Variants in CNTN1 observed in about 807,000 individuals in gnomAD.
CNTN1 encodes contactin-1.
A neutral mutation model predicts 126.4 loss-of-function variants in CNTN1; 38 were observed. The observed-to-expected ratio is 0.30, with a 90% CI of 0.23 to 0.39. The LOEUF (loss-of-function observed/expected upper bound fraction) is 0.39, where lower values mean the gene tolerates loss of function less well. CNTN1 is among the 10% of genes least tolerant of loss of function. CNTN1 has a pLI of 1.00. For missense variants in CNTN1, 1,009 were observed against 1,248.4 expected (o/e 0.81, Z 2.89); for synonymous variants, 413 against 422.6 (o/e 0.98, Z 0.28).
chr12:41,067,442 G>A (rs1950068278), intron 23 of CNTN1, among the ~76,000 whole-genome samples: 2 of 152,048 alleles, frequency 1.3e-5, no homozygotes, highest in African/African-American at 2.4e-5. Flanking sequence ...AAAAGACAGA[G>A]CATTGTGGAG....
intron 20 of CNTN1, among the ~76,000 whole-genome samples, chr12:41,024,264 G>A (rs144620934): frequency 3.8e-3 from 585 of 152,116 alleles, no homozygotes; most frequent in Middle Eastern, 6.8e-3. Flanking sequence ...TTACAATCCC[G>A]TTATTTTATA....
chr12:41,005,483 T>TTG (rs1419502544), intron 17 of CNTN1, among the ~76,000 whole-genome samples: 107 of 152,350 alleles, frequency 7.0e-4, no homozygotes, highest in African/African-American at 2.5e-3. Flanking sequence ...CCTCACTAGT[T>TTG]AGGTTGGGGA....
intron 5 of CNTN1, among the ~76,000 whole-genome samples, chr12:40,922,708 C>T (rs1443188255): frequency 6.6e-6 from 1 of 152,094 alleles, no homozygotes. Flanking sequence ...CGCGGTGGCT[C>T]ACACCTGTAA....
intron 16 of CNTN1, among the ~76,000 whole-genome samples, chr12:40,986,293 C>T (rs145353123): frequency 0.012 from 1,774 of 152,122 alleles, 23 homozygotes; most frequent in South Asian, 0.046. Context: ...TTGCTCAATT[C>T]CAAACATTGT....
intron 19 of CNTN1, among the ~76,000 whole-genome samples, chr12:41,020,088 CTATAT>C (rs900733331): frequency 4.6e-5 from 7 of 151,686 alleles, no homozygotes; most frequent in African/African-American, 1.7e-4. Context: ...GTGTATATGT[CTATAT>C]TAACATTTAT....
At chr12:40,768,086 G>T (rs530692039) in intron 1 of CNTN1, among the ~76,000 whole-genome samples, 2 of 152,192 alleles carry the variant, frequency 1.3e-5, no homozygotes, top group South Asian at 4.2e-4. Context: ...AATGGAGATT[G>T]GCTTTACAAC....
At chr12:40,807,930 T>C (rs1940918089) in intron 1 of CNTN1, among the ~76,000 whole-genome samples, 1 of 152,212 alleles carries the variant, frequency 6.6e-6, no homozygotes, top group African/African-American at 2.4e-5. Context: ...AGCATATTTA[T>C]AGCTAACTTG....
intron 1 of CNTN1, among the ~76,000 whole-genome samples, chr12:40,725,134 G>A (rs1465421831): frequency 2.0e-5 from 3 of 152,144 alleles, no homozygotes; most frequent in Non-Finnish European, 4.4e-5. Context: ...AGGTGTGGTG[G>A]CTCATGCCTG....
Position 41,070,135 on chromosome 12 carries a change from C to T in CNTN1, c.*100C>T, listed in dbSNP as rs1566262234. 11 of 1,027,552 alleles carry T rather than the reference C, an allele frequency of 1.1e-5. No homozygotes were observed. Among genetic ancestry groups the T allele is most frequent in the Non-Finnish European group, 1.5e-5 (10 of 657,544 alleles). 63.7% of individuals were successfully genotyped at this position (1,027,552 alleles called of 1,614,324 possible). A position where few individuals can be genotyped will look rare whatever the true frequency, so the allele number is the denominator to read the frequency against. ...CCAATTTCTGCGGCTCCATCCTAAG[C>T]CAAATAAATTATACTTTAACAAACT... is the stretch of plus-strand genomic sequence containing the variant. On this transcript the variant is annotated 3_prime_UTR_variant, in exon 24 of 24. Coordinates refer to ENST00000551295, the MANE Select transcript of CNTN1 (RefSeq NM_001843.4).
intron 1 of CNTN1, chr12:40,896,158 T>G (rs1281545175): frequency 6.6e-6 from 1 of 152,144 alleles, no homozygotes; most frequent in African/African-American, 2.4e-5. Context: ...CTAAATCTTC[T>G]GAACACACAC....
chr12:40,912,938 T>A (rs577971415), intron 3 of CNTN1, among the ~76,000 whole-genome samples: 12 of 152,222 alleles, frequency 7.9e-5, no homozygotes, highest in African/African-American at 2.9e-4. Context: ...ATGCTATATA[T>A]TAGGATGTAG....
At chr12:40,949,433 A>G (rs1371190653) in intron 14 of CNTN1, among the ~76,000 whole-genome samples, 1 of 38,742 alleles carries the variant, frequency 2.6e-5, no homozygotes, top group Non-Finnish European at 5.1e-5. Flanking sequence ...CCCTCCCCCC[A>G]CCCCACAACA....
intron 1 of CNTN1, among the ~76,000 whole-genome samples, chr12:40,903,743 T>C (rs1944700262): frequency 1.3e-5 from 2 of 152,036 alleles, no homozygotes; most frequent in South Asian, 4.1e-4. Context: ...ACTGTCCTAA[T>C]GAAAGACAAA....
chr12:40,711,019 G>T (rs1323763151), intron 1 of CNTN1, among the ~76,000 whole-genome samples: 1 of 152,100 alleles, frequency 6.6e-6, no homozygotes, highest in Non-Finnish European at 1.5e-5. Flanking sequence ...TCACTCTGAG[G>T]TGTAATATCT....
intron 1 of CNTN1, among the ~76,000 whole-genome samples, chr12:40,766,831 CT>C (rs1207178937): frequency 2.0e-5 from 3 of 152,160 alleles, no homozygotes; most frequent in Non-Finnish European, 4.4e-5. Flanking sequence ...TGACTGCCAC[CT>C]TTTAGATGTG....
Position 40,876,121 on chromosome 12 carries a change from T to G in CNTN1, c.-76-32236T>G, listed in dbSNP as rs1050314479. Among the ~76,000 whole-genome samples the G allele has an allele frequency of 3.3e-4, 49 of 147,530 alleles. 1 individual carries two copies. The highest frequency in any genetic ancestry group is 6.0e-5 in the Non-Finnish European group (4 of 66,990). ...AAAATAGCTACAGGTTAAATATTGCTGACATCATTTAGTAAAAGCCAAAAA... is the reference window on the plus strand; with the variant it reads ...AAAATAGCTACAGGTTAAATATTGCGGACATCATTTAGTAAAAGCCAAAAA... On this transcript the variant is annotated intron_variant, in intron 1 of 23. Transcript: ENST00000551295.
In CNTN1 at chr12:40,789,426, T is replaced by C. The variant is rs1280516182; in HGVS notation, c.-77+96834T>C. ...CCTAAAGAAATTGAAATTTGAATTCTGAATCTCCACTGATACTGACAAGGG... is the reference window on the plus strand; with the variant it reads ...CCTAAAGAAATTGAAATTTGAATTCCGAATCTCCACTGATACTGACAAGGG... On this transcript the variant is annotated intron_variant, in intron 1 of 23. Coordinates refer to ENST00000551295, the MANE Select transcript of CNTN1 (RefSeq NM_001843.4). 3.0e-4 allele frequency among the ~76,000 whole-genome samples: 8 copies of C among 26,488 alleles called. 4 individuals are homozygous for C. Among genetic ancestry groups the C allele is most frequent in the African/African-American group, 7.1e-4 (8 of 11,332 alleles). The allele number at this position is 26,488 out of a possible 152,430, so 17.4% of individuals were successfully genotyped here. A position where few individuals can be genotyped will look rare whatever the true frequency, so the allele number is the denominator to read the frequency against.
chr12:41,065,178 C>T (rs1950022525), intron 23 of CNTN1, among the ~76,000 whole-genome samples: 1 of 152,196 alleles, frequency 6.6e-6, no homozygotes, highest in African/African-American at 2.4e-5. Flanking sequence ...GCCTCAGCCT[C>T]CCGAGTAGCT....
intron 1 of CNTN1, among the ~76,000 whole-genome samples, chr12:40,829,394 T>A (rs931299571): frequency 6.6e-6 from 1 of 152,100 alleles, no homozygotes; most frequent in Non-Finnish European, 1.5e-5. Context: ...TACTTCCTCA[T>A]GTATGTTTAT....
Sources: gnomAD v4.1 joint callset for allele counts (sites outside exome capture counted in the v4.1 genomes callset) on GRCh38, gnomAD v4.1.1 for gene constraint, MANE v1.5 for transcripts, NCBI Gene and HGNC (gene_info 2026-07-23, HGNC 2026-07-21) for gene names.